RHOBTB2: variants seen among roughly 807,000 people sequenced by gnomAD.
RHOBTB2 encodes the protein Rho related BTB domain containing 2.
RHOBTB2 carries 39 observed loss-of-function variants against 66.5 expected under a neutral mutation model. The observed-to-expected ratio is 0.59, with a 90% CI of 0.45 to 0.77. The LOEUF (loss-of-function observed/expected upper bound fraction) is 0.77. RHOBTB2 is among the 30% of genes least tolerant of loss of function. The probability of loss-of-function intolerance (pLI) is 0.00; values close to 1 mark genes in which losing one functional copy is unlikely to be tolerated. For missense variants in RHOBTB2, 755 were observed against 999.1 expected (o/e 0.76, Z 3.29); for synonymous variants, 390 against 395.0 (o/e 0.99, Z 0.15).
chr8:23,014,618 G>A lies in RHOBTB2; in HGVS notation c.1772-72G>A, dbSNP rs60458313. ...GTTTTCCTCACCCTGAAGTGAGCTG[G>A]GGGATGTGGTGGGGCAGGGTGAGCA... On this transcript the variant is annotated intron_variant, in intron 7 of 9. Transcript: ENST00000251822. 3.7e-6 allele frequency: 5 copies of A among 1,366,262 alleles called. No individual in the cohort carries two copies. In the East Asian group the frequency reaches 1.2e-4, roughly 32 times the overall value. The allele number at this position is 1,366,262 out of a possible 1,614,324, so 84.6% of individuals were successfully genotyped here. A position where few individuals can be genotyped will look rare whatever the true frequency, so the allele number is the denominator to read the frequency against.
chr8:22,997,442 TGAGCG>T (rs1163209592), upstream of RHOBTB2, among the ~76,000 whole-genome samples: 1 of 152,078 alleles, frequency 6.6e-6, no homozygotes, highest in Non-Finnish European at 1.5e-5. Context: ...TCACTGAGTG[TGAGCG>T]GGGCGGGGCG....
rs1810938004 is a variant in RHOBTB2, at chr8:23,006,013, A to G, written c.350A>G (p.His117Arg). The G allele has an allele frequency of 6.2e-7, 1 of 1,613,516 alleles. No individual in the cohort carries two copies. The highest frequency in any genetic ancestry group is 1.7e-5 in the Admixed American group (1 of 59,950). Residue 117 changes from histidine (H) to arginine (R), a missense_variant, in exon 4 of 10, where the codon CAT becomes CGT. By Grantham distance (29) the His-to-Arg change is conservative (BLOSUM62 0). This residue lies in a region of RHOBTB2 where 33 missense variants were observed against 36.0 expected (regional missense o/e 0.92). Coordinates refer to ENST00000251822, the MANE Select transcript of RHOBTB2 (RefSeq NM_015178.3). The surrounding 1 kb of genome is among the most constrained non-coding windows in gnomAD (Gnocchi z 6.1). The stretch of plus-strand genomic sequence containing the variant: ...ATTGCCAACCCCAATTCCCTCCACC[A>G]TGTCAAGACCATGTGGTACCCAGAA... ...FSIANPNSLH[H>R]VKTMWYPEIK...
chr8:22,974,521 C>A, the RHOBTB2 span, among the ~76,000 whole-genome samples: 1 of 152,180 alleles, frequency 6.6e-6, no homozygotes, highest in Non-Finnish European at 1.5e-5. Flanking sequence ...TGCCCCATTT[C>A]ACAATTCTAA....
Position 23,017,645 on chromosome 8 carries a change from T to C in RHOBTB2, c.*176T>C, listed in dbSNP as rs1811336737. 5 of 1,042,908 alleles carry C rather than the reference T, an allele frequency of 4.8e-6. No individual in the cohort carries two copies. Among genetic ancestry groups the C allele is most frequent in the Non-Finnish European group, 2.7e-6 (2 of 737,932 alleles). The allele number at this position is 1,042,908 out of a possible 1,614,324, so 64.6% of individuals were successfully genotyped here. Reference sequence around the variant, plus strand: ...GCTCAGCCAGAGAGGAGCTGAGCCCTGTGGAGCAGAACGGGAACCACCTGC... The same window carrying C: ...GCTCAGCCAGAGAGGAGCTGAGCCCCGTGGAGCAGAACGGGAACCACCTGC... On this transcript the variant is annotated 3_prime_UTR_variant, in exon 10 of 10. Coordinates refer to ENST00000251822, the MANE Select transcript of RHOBTB2 (RefSeq NM_015178.3). This position sits in a 1 kb window ranked among gnomAD's most constrained non-coding sequence, Gnocchi z 5.3.
the RHOBTB2 span, among the ~76,000 whole-genome samples, chr8:22,965,551 T>C: frequency 1.3e-5 from 2 of 152,086 alleles, no homozygotes; most frequent in Non-Finnish European, 2.9e-5. Flanking sequence ...GCTACAGTAA[T>C]CAAAACAGTG....
At chr8:23,011,601 C>T (rs1353613668) in intron 7 of RHOBTB2, among the ~76,000 whole-genome samples, 2 of 152,064 alleles carry the variant, frequency 1.3e-5, no homozygotes, top group Non-Finnish European at 2.9e-5. Flanking sequence ...GGAGAGCCAG[C>T]GGCAGGCAGT....
upstream of RHOBTB2, among the ~76,000 whole-genome samples, chr8:22,985,490 T>C (rs1810271457): frequency 6.6e-6 from 1 of 152,164 alleles, no homozygotes; most frequent in African/African-American, 2.4e-5. Context: ...ACACAGTGTT[T>C]ATAGATAAGA....
the RHOBTB2 span, among the ~76,000 whole-genome samples, chr8:22,982,291 T>A: frequency 1.3e-5 from 2 of 152,154 alleles, no homozygotes; most frequent in African/African-American, 4.8e-5. Context: ...TGCTCTACCA[T>A]CTCCTTCCAA....
chr8:22,997,906 C>G (rs1191354661), upstream of RHOBTB2, among the ~76,000 whole-genome samples: 1 of 152,218 alleles, frequency 6.6e-6, no homozygotes, highest in Non-Finnish European at 1.5e-5. Context: ...TCTTCAATGC[C>G]AAACATGTGG....
chr8:22,988,751 C>T (rs1228103987), intron 1 of RHOBTB2, among the ~76,000 whole-genome samples: 1 of 152,192 alleles, frequency 6.6e-6, no homozygotes, highest in Non-Finnish European at 1.5e-5. Context: ...CTGTCACTTC[C>T]TCGCAAAGGA....
chr8:23,005,654 G>C (rs1810926036), intron 3 of RHOBTB2, among the ~76,000 whole-genome samples, 179 bp downstream of exon 3: 2 of 152,216 alleles, frequency 1.3e-5, no homozygotes, highest in South Asian at 4.1e-4. Flanking sequence ...CTGGGTCCGG[G>C]ATCAGGAAGC....
Position 23,019,967 on chromosome 8 carries a change from C to G in RHOBTB2, c.*2498C>G, listed in dbSNP as rs1266998370. The G allele has an allele frequency of 3.2e-5, 10 of 308,050 alleles. No individual in the cohort carries two copies. In the Admixed American group the frequency reaches 4.4e-4, roughly 13 times the overall value. 19.1% of individuals were successfully genotyped at this position (308,050 alleles called of 1,614,324 possible). A position where few individuals can be genotyped will look rare whatever the true frequency, so the allele number is the denominator to read the frequency against. On this transcript the variant is annotated 3_prime_UTR_variant, in exon 10 of 10. Coordinates refer to ENST00000251822, the MANE Select transcript of RHOBTB2 (RefSeq NM_015178.3). The stretch of plus-strand genomic sequence containing the variant: ...CCCCAGGAACCTAGCTCTTTAAACT[C>G]TGGGGAGTCGGATTCAGGAAACACC...
chr8:22,999,775 G>T lies in RHOBTB2; in HGVS notation c.-341G>T, dbSNP rs1456891744. The stretch of plus-strand genomic sequence containing the variant: ...CTCGCCCCTCTCCCGGCGCCCCTGC[G>T]CGCCGCCCGCTGCCTCCGCAGCCCG... On this transcript the variant is annotated 5_prime_UTR_variant, in exon 1 of 10. Coordinates refer to ENST00000251822, the MANE Select transcript of RHOBTB2 (RefSeq NM_015178.3). 13 of 985,856 alleles carry T rather than the reference G, an allele frequency of 1.3e-5. No individual in the cohort carries two copies. Among genetic ancestry groups the T allele is most frequent in the East Asian group, 1.1e-4 (1 of 8,958 alleles). 61.1% of individuals were successfully genotyped at this position (985,856 alleles called of 1,614,324 possible). A position where few individuals can be genotyped will look rare whatever the true frequency, so the allele number is the denominator to read the frequency against.
At chr8:22,962,893 T>C in the RHOBTB2 span, among the ~76,000 whole-genome samples, 1 of 152,246 alleles carries the variant, frequency 6.6e-6, no homozygotes, top group South Asian at 2.1e-4. Flanking sequence ...AATACTTGAG[T>C]GGACCACCTG....
chr8:22,955,621 G>T, the RHOBTB2 span, among the ~76,000 whole-genome samples: 14 of 142,396 alleles, frequency 9.8e-5, no homozygotes, highest in African/African-American at 3.7e-4. Flanking sequence ...CCAGGCTGGA[G>T]TACAGTGGCA....
intron 1 of RHOBTB2, among the ~76,000 whole-genome samples, chr8:23,000,957 G>A (rs2128801733): frequency 6.6e-6 from 1 of 151,866 alleles, no homozygotes; most frequent in East Asian, 1.9e-4. Flanking sequence ...AGCTGTGGGA[G>A]GGAAAGGGGC....
chr8:23,011,993 G>C (rs549742073), intron 7 of RHOBTB2, among the ~76,000 whole-genome samples: 28 of 152,348 alleles, frequency 1.8e-4, no homozygotes, highest in Non-Finnish European at 2.9e-4. Flanking sequence ...AGAATATTAA[G>C]AGCGGAGGCT....
At chr8:22,967,305 C>A in the RHOBTB2 span, among the ~76,000 whole-genome samples, 1 of 152,076 alleles carries the variant, frequency 6.6e-6, no homozygotes, top group South Asian at 2.1e-4. Flanking sequence ...TGAAATAAGC[C>A]AGTCATAAAA....
chr8:22,980,167 C>A, the RHOBTB2 span, among the ~76,000 whole-genome samples: 1 of 152,018 alleles, frequency 6.6e-6, no homozygotes, highest in African/African-American at 2.4e-5. Flanking sequence ...ATTGAACTGA[C>A]AAACAGCAGA....
Sources: allele counts gnomAD v4.1 joint callset (sites outside exome capture counted in the v4.1 genomes callset), GRCh38; gene constraint gnomAD v4.1.1; regional missense constraint gnomAD v4.1.1; non-coding constraint Gnocchi (gnomAD v3.1); transcripts MANE v1.5; gene names NCBI Gene and HGNC (gene_info 2026-07-23, HGNC 2026-07-21).